The following RYR1 variants were observed in gnomAD, a reference collection of about 807,000 sequenced individuals.
RYR1 encodes the protein central core disease of muscle.
Under a neutral mutation model 583.5 loss-of-function variants are expected in RYR1, and 342 were observed. The ratio of observed to expected loss-of-function variants is 0.59; its 90% CI spans 0.54 to 0.64. The LOEUF (loss-of-function observed/expected upper bound fraction) is 0.64. RYR1 is among the 30% of genes least tolerant of loss of function. The pLI, the probability that RYR1 is intolerant of heterozygous loss-of-function variation, is 0.00. For missense variants in RYR1, 6,032 were observed against 6,917.2 expected (o/e 0.87, Z 4.54); for synonymous variants, 2,791 against 2,822.5 (o/e 0.99, Z 0.35).
At chr19:38,443,285 G>A (rs976145611) in intron 3 of RYR1, among the ~76,000 whole-genome samples, 21 of 152,182 alleles carry the variant, frequency 1.4e-4, no homozygotes, top group African/African-American at 5.1e-4. Context: ...GTGATTTCCA[G>A]CCAAGGTGAA....
rs773323498 is a variant in RYR1, at chr19:38,512,383, C to T, written c.9372C>T (p.Gly3124=). The T allele has an allele frequency of 3.7e-6, 6 of 1,614,054 alleles. No individual in the cohort carries two copies. The highest frequency in any genetic ancestry group is 1.7e-5 in the Admixed American group (1 of 60,024). Residue 3124 remains glycine, a synonymous_variant, in exon 63 of 106, where the codon GGC becomes GGT. Transcript: ENST00000359596. This position sits in a 1 kb window ranked among gnomAD's most constrained non-coding sequence, Gnocchi z 5.1. ...CGCAGGCGCGCACCCAGGTGAAAGG[C>T]GTGGGCCAGAACCTCACCTACACCA... ...KVSQARTQVK[G]VGQNLTYTTV...
chr19:38,521,374 A>G (rs1971218255), intron 67 of RYR1, among the ~76,000 whole-genome samples: 1 of 150,762 alleles, frequency 6.6e-6, no homozygotes, highest in Non-Finnish European at 1.5e-5. Context: ...CCCTGTCTCA[A>G]AAAAAAAAGA....
intron 29 of RYR1, 58 bp from the exon 30 acceptor site, chr19:38,477,652 G>T: frequency 1.2e-6 from 2 of 1,612,924 alleles, no homozygotes; most frequent in South Asian, 2.2e-5. Flanking sequence ...TCGAGTCCCA[G>T]GGAGCCCGAG....
chr19:38,558,244 G>A (rs550503616), intron 89 of RYR1, among the ~76,000 whole-genome samples: 5 of 152,120 alleles, frequency 3.3e-5, no homozygotes, highest in East Asian at 3.8e-4. Context: ...CCAGGAGGTC[G>A]AGGCTATGGC....
intron 28 of RYR1, among the ~76,000 whole-genome samples, chr19:38,474,757 T>A (rs1179070776): frequency 2.6e-5 from 4 of 151,464 alleles, no homozygotes; most frequent in Non-Finnish European, 5.9e-5. Context: ...GTATTTTTGG[T>A]AGAGACAGGG....
chr19:38,534,830 C>T lies in RYR1; in HGVS notation c.11359+11C>T, dbSNP rs1568548966. On this transcript the variant is annotated intron_variant, in intron 79 of 105. Transcript: ENST00000359596. ...TCAGTGCCTGCAAAGGTGCCCCTCA[C>T]ATGTGCACTGGACTCTTCCGAGTGC... 4 of 1,607,964 alleles carry T rather than the reference C, an allele frequency of 2.5e-6. No homozygotes were observed. In the South Asian group the frequency reaches 4.5e-5, roughly 18 times the overall value.
chr19:38,470,091 G>A (rs764087432), intron 27 of RYR1, among the ~76,000 whole-genome samples: 4 of 150,832 alleles, frequency 2.7e-5, no homozygotes, highest in Non-Finnish European at 5.9e-5. Flanking sequence ...GCTTGAACAC[G>A]GGAGATGGAG....
chr19:38,538,181 T>G (rs538025857), intron 84 of RYR1, among the ~76,000 whole-genome samples: 200 of 152,226 alleles, frequency 1.3e-3, no homozygotes, highest in African/African-American at 4.7e-3. Context: ...GTGGATCTCC[T>G]GAGGTCAGGA....
rs565655565 is a variant in RYR1 at position 38,495,002 on chromosome 19, A to G, written c.6548+377A>G. ...CAAGTAGCTGGGATTACAGGCACGC[A>G]CCACCATACCAGGCTAATTTTTTAT... On this transcript the variant is annotated intron_variant, in intron 39 of 105. Coordinates refer to ENST00000359596, the MANE Select transcript of RYR1 (RefSeq NM_000540.3). 7.9e-5 allele frequency among the ~76,000 whole-genome samples: 12 copies of G among 151,888 alleles called. No homozygotes were observed. The East Asian group carries it at 2.3e-3, about 29-fold the overall frequency.
intron 101 of RYR1, among the ~76,000 whole-genome samples, chr19:38,583,605 G>A (rs1020405774): frequency 9.2e-5 from 14 of 152,024 alleles, no homozygotes; most frequent in East Asian, 1.9e-4. Flanking sequence ...TCACCCTGCC[G>A]TGGCTTACAA....
At chr19:38,469,164 T>G in intron 26 of RYR1, 24 bp downstream of exon 26, 1 of 1,613,888 alleles carries the variant, frequency 6.2e-7, no homozygotes, top group African/African-American at 1.3e-5. Flanking sequence ...CCCCTTCACA[T>G]GCCCTTTCTT....
chr19:38,473,926 A>G (rs986570028), intron 28 of RYR1, among the ~76,000 whole-genome samples, 155 bp downstream of exon 28: 2 of 152,188 alleles, frequency 1.3e-5, no homozygotes, highest in Non-Finnish European at 2.9e-5. Flanking sequence ...CATGTCTCCA[A>G]TGAACCCCAT....
intron 97 of RYR1, among the ~76,000 whole-genome samples, chr19:38,577,173 A>G (rs1282329777): frequency 1.3e-5 from 2 of 151,986 alleles, no homozygotes; most frequent in Non-Finnish European, 2.9e-5. Context: ...GGCACGAGCC[A>G]CCGCGCCCAG....
In RYR1 at chr19:38,497,016, T is replaced by C. The variant is rs988956079; in HGVS notation, c.6891+62T>C. The C allele has an allele frequency of 9.3e-6, 13 of 1,390,874 alleles. No homozygotes were observed. The African/African-American group carries it at 9.9e-5, about 11-fold the overall frequency. 86.2% of individuals were successfully genotyped at this position (1,390,874 alleles called of 1,614,324 possible). ...GGAAATCGGGCCGCTACCCGGCTGCTTGGGACACCTGCTGATTCCAAACTC... is the reference window on the plus strand; with the variant it reads ...GGAAATCGGGCCGCTACCCGGCTGCCTGGGACACCTGCTGATTCCAAACTC... On this transcript the variant is annotated intron_variant, in intron 42 of 105. Coordinates refer to ENST00000359596, the MANE Select transcript of RYR1 (RefSeq NM_000540.3).
intron 20 of RYR1, 134 bp from the exon 21 acceptor site, chr19:38,463,289 G>T: frequency 2.8e-6 from 2 of 722,950 alleles, no homozygotes; most frequent in South Asian, 3.0e-5. Context: ...GGGATGGGGA[G>T]CAGGGCTGCT....
In RYR1 at chr19:38,546,177, C is replaced by T. The variant is rs75811076; in HGVS notation, c.12013-268C>T. ...CTCTCTCTGCCCCAAATGTCTGCCC[C>T]GCAAGCCTCTCAGTCCTCCTTGTCT... is the stretch of plus-strand genomic sequence containing the variant. On this transcript the variant is annotated intron_variant, in intron 87 of 105. Coordinates refer to ENST00000359596, the MANE Select transcript of RYR1 (RefSeq NM_000540.3). Among the ~76,000 whole-genome samples, 632 of 152,224 alleles carry T rather than the reference C, an allele frequency of 4.2e-3. 3 individuals carry two copies. Among genetic ancestry groups the T allele is most frequent in the African/African-American group, 0.014 (597 of 41,528 alleles).
rs7251737 is a variant in RYR1 at position 38,551,997 on chromosome 19, G to T, written c.12282+3577G>T. Among the ~76,000 whole-genome samples, 579 of 152,232 alleles carry T rather than the reference G, an allele frequency of 3.8e-3. 2 individuals are homozygous for T. Among genetic ancestry groups the T allele is most frequent in the African/African-American group, 0.012 (502 of 41,540 alleles). On this transcript the variant is annotated intron_variant, in intron 89 of 105. Coordinates refer to ENST00000359596, the MANE Select transcript of RYR1 (RefSeq NM_000540.3). The stretch of plus-strand genomic sequence containing the variant: ...GGGTCTTGCTTTATCAGTCAGTCTG[G>T]AGTGCAGTGGCGTGATCACAACTCA...
rs138325444 is a variant in RYR1, at chr19:38,504,269, C to T, written c.7976C>T (p.Thr2659Met). The change falls in exon 50 of 106, where the codon ACG (threonine) becomes ATG (methionine). Residue 2659 changes from threonine (T) to methionine (M), a missense_variant. Physicochemically the swap from Thr to Met is moderately conservative, Grantham distance 81. Coordinates refer to ENST00000359596, the MANE Select transcript of RYR1 (RefSeq NM_000540.3). Reference sequence around the variant, plus strand: ...TGTTGGAAGTACTACTGCCTACCCACGGGCTGGGCCAACTTCGGGGTCACC... The same window carrying T: ...TGTTGGAAGTACTACTGCCTACCCATGGGCTGGGCCAACTTCGGGGTCACC... ...ERCWKYYCLPTGWANFGVTSE... is the reference protein window; with the variant it reads ...ERCWKYYCLPMGWANFGVTSE... 85 of 1,614,092 alleles carry T rather than the reference C, an allele frequency of 5.3e-5. No homozygotes were observed. In the African/African-American group the frequency reaches 7.3e-4, roughly 14 times the overall value.
intron 71 of RYR1, among the ~76,000 whole-genome samples, chr19:38,526,303 C>A (rs544843493): frequency 6.6e-6 from 1 of 152,000 alleles, no homozygotes; most frequent in Non-Finnish European, 1.5e-5. Context: ...TCTAAGGAAC[C>A]CTCCCAGGAT....
Sources: allele counts gnomAD v4.1 joint callset (sites outside exome capture counted in the v4.1 genomes callset), GRCh38; gene constraint gnomAD v4.1.1; non-coding constraint Gnocchi (gnomAD v3.1); transcripts MANE v1.5; gene names NCBI Gene and HGNC (gene_info 2026-07-23, HGNC 2026-07-21).